Variants in GRM5 observed in about 807,000 individuals in gnomAD.
GRM5 encodes the protein glutamate metabotropic receptor 5, also known as metabotropic glutamate receptor 5.
GRM5 carries 19 observed loss-of-function variants against 83.1 expected under a neutral mutation model. The ratio of observed to expected loss-of-function variants is 0.23; its 90% confidence interval spans 0.16 to 0.34. GRM5 has a LOEUF of 0.34. Among genes scored for constraint, GRM5 ranks in the 10% least tolerant of loss-of-function variants. GRM5 has a pLI of 1.00. For synonymous variants in GRM5, 675 were observed against 633.6 expected (o/e 1.07, Z -0.98); for missense variants, 1,160 against 1,588.3 (o/e 0.73, Z 4.58).
intron 2 of GRM5, among the ~76,000 whole-genome samples, chr11:88,932,894 G>A (rs1937761200): frequency 1.3e-5 from 2 of 151,864 alleles, no homozygotes; most frequent in African/African-American, 4.8e-5. Flanking sequence ...TTTCATTAAA[G>A]ACCGCCTAAA....
intron 3 of GRM5, among the ~76,000 whole-genome samples, chr11:88,747,143 G>C (rs1312140136): frequency 1.3e-5 from 2 of 152,020 alleles, no homozygotes; most frequent in Non-Finnish European, 2.9e-5. Context: ...TAAAACCAAA[G>C]GCTCTCAACC....
chr11:88,784,581 G>A (rs201127887), intron 3 of GRM5, among the ~76,000 whole-genome samples: 1 of 152,058 alleles, frequency 6.6e-6, no homozygotes, highest in Non-Finnish European at 1.5e-5. Context: ...TGACTGGCTA[G>A]AACACAGACT....
At chr11:88,855,772 A>G (rs1370463577) in intron 2 of GRM5, among the ~76,000 whole-genome samples, 2 of 151,886 alleles carry the variant, frequency 1.3e-5, no homozygotes, top group African/African-American at 4.8e-5. Flanking sequence ...TATTGCATAT[A>G]TTCATTATAT....
chr11:88,572,315 G>C (rs1014493807), intron 7 of GRM5, among the ~76,000 whole-genome samples: 2 of 152,092 alleles, frequency 1.3e-5, no homozygotes, highest in African/African-American at 2.4e-5. Flanking sequence ...ATGAGAGAGG[G>C]AGAGAATATG....
At chr11:88,997,471 C>G (rs183771456) in intron 2 of GRM5, among the ~76,000 whole-genome samples, 1 of 147,750 alleles carries the variant, frequency 6.8e-6, no homozygotes, top group Admixed American at 6.7e-5. Context: ...AATTAATAAA[C>G]TTGAAAATAA....
chr11:88,948,456 A>T (rs1938350188), intron 2 of GRM5, among the ~76,000 whole-genome samples: 2 of 152,198 alleles, frequency 1.3e-5, no homozygotes, highest in Non-Finnish European at 2.9e-5. Flanking sequence ...TACCAACGAT[A>T]CTGAAAAATG....
intron 2 of GRM5, among the ~76,000 whole-genome samples, chr11:88,998,275 G>A (rs1940260135): frequency 6.6e-6 from 1 of 152,110 alleles, no homozygotes; most frequent in African/African-American, 2.4e-5. Flanking sequence ...AGGGATGCGA[G>A]GTTGGAGTGA....
At chr11:88,699,823 G>A (rs7479248) in intron 3 of GRM5, among the ~76,000 whole-genome samples, 148,256 of 152,256 alleles carry the variant, frequency 0.97, 72,317 homozygotes, top group East Asian at 1. Context: ...TCCCAGAGCT[G>A]ACACCTGTGG....
intron 2 of GRM5, among the ~76,000 whole-genome samples, chr11:88,872,078 T>G (rs1362398250): frequency 6.6e-6 from 1 of 151,450 alleles, no homozygotes; most frequent in African/African-American, 2.4e-5. Flanking sequence ...ACATTTTTAG[T>G]GAGAAACAAA....
In GRM5 at chr11:88,623,497, G is replaced by A. The variant is rs2135260125; in HGVS notation, c.1148-18533C>T. Among the ~76,000 whole-genome samples, 2 of 152,238 alleles carry A rather than the reference G, an allele frequency of 1.3e-5. 1 individual carries two copies. The highest frequency in any genetic ancestry group is 4.1e-4 in the South Asian group (2 of 4,820). On this transcript the variant is annotated intron_variant, in intron 4 of 9. Coordinates refer to ENST00000305447, the MANE Select transcript of GRM5 (RefSeq NM_001143831.3). ...GAAATCTTCATGATTGGGCTGCATA[G>A]AATACAAATTGCTTTTCTAATTTTG...
chr11:88,944,647 G>C (rs1158420245), intron 2 of GRM5, among the ~76,000 whole-genome samples: 3 of 151,610 alleles, frequency 2.0e-5, no homozygotes, highest in Non-Finnish European at 4.4e-5. Flanking sequence ...GTTGTGTGCA[G>C]CTTATAAAAA....
Position 88,716,583 on chromosome 11 carries a change from C to A in GRM5, c.912-63180G>T, listed in dbSNP as rs190310829. The stretch of plus-strand genomic sequence containing the variant: ...AGTGCTAGTCAACAATGTTAAGATA[C>A]AAATATAATAAAAGAAATCAGGAGA... On this transcript the variant is annotated intron_variant, in intron 3 of 9. Transcript: ENST00000305447. Among the ~76,000 whole-genome samples, 6 of 152,008 alleles carry A rather than the reference C, an allele frequency of 3.9e-5. No homozygotes were observed. In the East Asian group the frequency reaches 1.2e-3, roughly 30 times the overall value.
Position 88,513,062 on chromosome 11 carries a change from CCT to C in GRM5, c.2727-3560_2727-3559del, listed in dbSNP as rs550614714. On this transcript the variant is annotated intron_variant, in intron 9 of 9. Coordinates refer to ENST00000305447, the MANE Select transcript of GRM5 (RefSeq NM_001143831.3). Reference sequence around the variant, plus strand: ...CAAATGCTTTCTCATTGTGCTACATCCTCTCTTCCTTTTTGCTTAACTGTATC... The same window carrying C: ...CAAATGCTTTCTCATTGTGCTACATCCTCTTCCTTTTTGCTTAACTGTATC... Among the ~76,000 whole-genome samples, 87 of 152,242 alleles carry C rather than the reference CCT, an allele frequency of 5.7e-4. 1 individual carries two copies. The highest frequency in any genetic ancestry group is 9.7e-4 in the Non-Finnish European group (66 of 67,998).
chr11:88,975,770 C>A (rs1482802783), intron 2 of GRM5, among the ~76,000 whole-genome samples: 2 of 152,136 alleles, frequency 1.3e-5, no homozygotes, highest in Non-Finnish European at 2.9e-5. Context: ...GTTAAAATGA[C>A]AATGTTGGTC....
At chr11:88,736,788 T>C (rs1217344040) in intron 3 of GRM5, among the ~76,000 whole-genome samples, 2 of 152,064 alleles carry the variant, frequency 1.3e-5, no homozygotes, top group East Asian at 3.9e-4. Flanking sequence ...AGTGCCACTT[T>C]CATGGTATCA....
rs2135085923 is a variant in GRM5, at chr11:88,514,946, G to T, written c.2727-5442C>A. On this transcript the variant is annotated intron_variant, in intron 9 of 9. Coordinates refer to ENST00000305447, the MANE Select transcript of GRM5 (RefSeq NM_001143831.3). ...TTTCACCTCTCTCTTAAGTAGCAGTGGTTACATGTTTCCACAATAATTCCC... is the reference window on the plus strand; with the variant it reads ...TTTCACCTCTCTCTTAAGTAGCAGTTGTTACATGTTTCCACAATAATTCCC... Among the ~76,000 whole-genome samples the T allele has an allele frequency of 2.6e-5, 4 of 152,168 alleles. No homozygotes were observed. In the South Asian group the frequency reaches 8.3e-4, roughly 32 times the overall value.
intron 2 of GRM5, among the ~76,000 whole-genome samples, chr11:88,897,368 C>T (rs1312320034): frequency 6.6e-6 from 1 of 151,846 alleles, no homozygotes; most frequent in Non-Finnish European, 1.5e-5. Flanking sequence ...CTCCTGGGCC[C>T]ACAGCAGACA....
intron 2 of GRM5, among the ~76,000 whole-genome samples, chr11:89,018,388 C>G (rs1940908751): frequency 6.6e-6 from 1 of 152,124 alleles, no homozygotes; most frequent in Non-Finnish European, 1.5e-5. Context: ...AGTCATTGTT[C>G]TTTTCAACAT....
chr11:88,782,123 C>T (rs1171724337), intron 3 of GRM5, among the ~76,000 whole-genome samples: 1 of 151,738 alleles, frequency 6.6e-6, no homozygotes. Context: ...AATTTTTTTA[C>T]AAAAGCTTTT....
Sources: gnomAD v4.1 joint callset for allele counts (sites outside exome capture counted in the v4.1 genomes callset) on GRCh38, gnomAD v4.1.1 for gene constraint, MANE v1.5 for transcripts, NCBI Gene and HGNC (gene_info 2026-07-23, HGNC 2026-07-21) for gene names.